SHC2: variants seen among roughly 807,000 people sequenced by gnomAD.
SHC2 encodes the protein SHC adaptor protein 2.
A neutral mutation model predicts 60.6 loss-of-function variants in SHC2; 62 were observed. The observed-to-expected ratio is 1.02, with a 90% CI of 0.83 to 1.26. SHC2 has a LOEUF of 1.26. Ranked by LOEUF, SHC2 falls within the 50% of genes most tolerant of loss-of-function variation. The probability of loss-of-function intolerance (pLI) is 0.00; values close to 1 mark genes in which losing one functional copy is unlikely to be tolerated. For missense variants in SHC2, 873 were observed against 822.2 expected (o/e 1.06, Z -0.76); for synonymous variants, 375 against 372.4 (o/e 1.01, Z -0.08).
rs1227529377 is a variant in SHC2, at chr19:460,772, C to T, written c.225G>A (p.Leu75=). 3.1e-6 allele frequency: 3 copies of T among 979,344 alleles called. No homozygotes were observed. Among genetic ancestry groups the T allele is most frequent in the African/African-American group, 3.5e-5 (2 of 56,446 alleles). 60.7% of individuals were successfully genotyped at this position (979,344 alleles called of 1,614,324 possible). Residue 75 remains leucine, a synonymous_variant, in exon 1 of 13, where the codon CTG becomes CTA. Coordinates refer to ENST00000264554, the MANE Select transcript of SHC2 (RefSeq NM_012435.3). Reference sequence around the variant, plus strand: ...CGCAGGCGCCCAGGACGGCGGCCGCCAGCGCCGGGACGCCCCCCGGGCCCG... The same window carrying T: ...CGCAGGCGCCCAGGACGGCGGCCGCTAGCGCCGGGACGCCCCCCGGGCCCG... ...EPAGPGGVPA[L]AAAVLGACEP...
At chr19:419,413 G>A in intron 11 of SHC2, 1 of 188,448 alleles carries the variant, frequency 5.3e-6, no homozygotes, top group Non-Finnish European at 1.1e-5. Flanking sequence ...ATGCATCCAG[G>A]ATGAGCCAGG....
chr19:422,349 C>A lies in SHC2; in HGVS notation c.1417G>T (p.Ala473Ser), dbSNP rs1974297389. 2 of 1,607,674 alleles carry A rather than the reference C, an allele frequency of 1.2e-6. No individual in the cohort carries two copies. Among genetic ancestry groups the A allele is most frequent in the Non-Finnish European group, 1.7e-6 (2 of 1,177,764 alleles). Reference protein sequence around the residue: ...DQWPSPPTRRAPVAPTEEQLR... With the variant: ...DQWPSPPTRRSPVAPTEEQLR... Reference sequence around the variant, plus strand: ...TGTTCCTCCGTGGGGGCCACAGGGGCCCGGCGGGTAGGGGGGCTGGGCCAC... The same window carrying A: ...TGTTCCTCCGTGGGGGCCACAGGGGACCGGCGGGTAGGGGGGCTGGGCCAC... Residue 473 changes from alanine (A) to serine (S), a missense_variant, in exon 11 of 13, where the codon GCC becomes TCC. Transcript: ENST00000264554. This position sits in a 1 kb window ranked among gnomAD's most constrained non-coding sequence, Gnocchi z 5.0.
intron 12 of SHC2, among the ~76,000 whole-genome samples, 176 bp from the exon 13 acceptor site, chr19:417,498 C>A (rs1260101424): frequency 6.6e-6 from 1 of 152,228 alleles, no homozygotes; most frequent in African/African-American, 2.4e-5. Flanking sequence ...TGTCCTGAGT[C>A]CTTGCTGTGG....
At chr19:457,216 CACATCAG>C (rs1975367216) in intron 1 of SHC2, among the ~76,000 whole-genome samples, 1 of 127,858 alleles carries the variant, frequency 7.8e-6, no homozygotes, top group Non-Finnish European at 1.7e-5. Flanking sequence ...CAAACCCCAC[CACATCAG>C]GCCTTTGCAC....
In SHC2 at chr19:425,096, C is replaced by A. The variant is rs755325952; in HGVS notation, c.1309+1G>T. The A allele has an allele frequency of 1.4e-6, 2 of 1,395,694 alleles. No individual in the cohort carries two copies. Among genetic ancestry groups the A allele is most frequent in the Non-Finnish European group, 1.9e-6 (2 of 1,066,718 alleles). The allele number at this position is 1,395,694 out of a possible 1,614,324, so 86.5% of individuals were successfully genotyped here. A position where few individuals can be genotyped will look rare whatever the true frequency, so the allele number is the denominator to read the frequency against. ...CGGCCGCCCCCCAGGCTGCCACATA[C>A]GCATGTCAAACAGATCCTTTTTGGG... On this transcript the variant is annotated splice_donor_variant, in intron 10 of 12. Coordinates refer to ENST00000264554, the MANE Select transcript of SHC2 (RefSeq NM_012435.3). LOFTEE classifies it high-confidence loss of function. The surrounding 1 kb of genome is among the most constrained non-coding windows in gnomAD (Gnocchi z 4.1).
intron 11 of SHC2, among the ~76,000 whole-genome samples, chr19:421,030 A>G (rs1232804864): frequency 6.6e-6 from 1 of 151,972 alleles, no homozygotes; most frequent in African/African-American, 2.4e-5. Context: ...AGCCTGGGTG[A>G]CAGAGCGAGA....
At chr19:456,715 A>ACATCGCTGCAG (rs1975351135) in intron 1 of SHC2, among the ~76,000 whole-genome samples, 1 of 151,494 alleles carries the variant, frequency 6.6e-6, no homozygotes, top group Non-Finnish European at 1.5e-5. Context: ...CCCCCCCTAG[A>ACATCGCTGCAG]ACTCTGTCTG....
At chr19:444,737 C>A (rs60433674) in intron 1 of SHC2, among the ~76,000 whole-genome samples, 6,462 of 152,276 alleles carry the variant, frequency 0.042, 369 homozygotes, top group African/African-American at 0.12. Flanking sequence ...GCTGCGGACA[C>A]GCTGTGCACA....
rs147076714 is a variant in SHC2, at chr19:448,271, G to A, written c.469-7339C>T. Among the ~76,000 whole-genome samples the A allele has an allele frequency of 3.8e-4, 58 of 152,304 alleles. No individual in the cohort carries two copies. The East Asian group carries it at 7.9e-3, about 21-fold the overall frequency. The stretch of plus-strand genomic sequence containing the variant: ...GGCCACACCTGGGGGCCACGGGAGC[G>A]GATCCTCTCCACGTCCCAGAGCCGG... On this transcript the variant is annotated intron_variant, in intron 1 of 12. Transcript: ENST00000264554.
rs201017180 is a variant in SHC2 at position 422,254 on chromosome 19, G to A, written c.1512C>T (p.Asp504=). Reference sequence around the variant, plus strand: ...CGCTGTCTCGCACAAGGAAGTCCCCGTCAGCTCGAAGCATCCTCTCTGCCG... The same window carrying A: ...CGCTGTCTCGCACAAGGAAGTCCCCATCAGCTCGAAGCATCCTCTCTGCCG... ...RRAAERMLRA[D]GDFLVRDSVT... Residue 504 remains aspartate (D), a synonymous_variant, in exon 11 of 13, where the codon GAC becomes GAT. Coordinates refer to ENST00000264554, the MANE Select transcript of SHC2 (RefSeq NM_012435.3). This position sits in a 1 kb window ranked among gnomAD's most constrained non-coding sequence, Gnocchi z 5.0. 174 of 1,612,406 alleles carry A rather than the reference G, an allele frequency of 1.1e-4. No homozygotes were observed. The highest frequency in any genetic ancestry group is 8.3e-4 in the Middle Eastern group (5 of 6,060).
rs75888168 is a variant in SHC2, at chr19:420,619, T to C, written c.1620+1527A>G. ...GCAACTGTAAGATGCGCCATGATTT[T>C]AGGTACCAGGAGGAGAGAGAAGAGA... On this transcript the variant is annotated intron_variant, in intron 11 of 12. Coordinates refer to ENST00000264554, the MANE Select transcript of SHC2 (RefSeq NM_012435.3). 4.9e-3 allele frequency among the ~76,000 whole-genome samples: 753 copies of C among 152,326 alleles called. 39 individuals are homozygous for C. The East Asian group carries it at 0.11, about 21-fold the overall frequency.
chr19:460,260 T>TG (rs144043667), intron 1 of SHC2, among the ~76,000 whole-genome samples: 9,381 of 151,752 alleles, frequency 0.062, 863 homozygotes, highest in African/African-American at 0.2. Flanking sequence ...CCAGTCCGAG[T>TG]GGGGGGCGGT....
chr19:418,073 A>G (rs1974193463), intron 12 of SHC2, among the ~76,000 whole-genome samples: 1 of 151,804 alleles, frequency 6.6e-6, no homozygotes, highest in Admixed American at 6.6e-5. Flanking sequence ...AGACCATGAG[A>G]TCACCCAGAC....
At chr19:436,824 T>C in intron 4 of SHC2, 141 bp from the exon 5 acceptor site, 1 of 816,664 alleles carries the variant, frequency 1.2e-6, no homozygotes, top group Non-Finnish European at 2.0e-6. Context: ...AGGCACCCAC[T>C]GCAGCCGGGT....
At chr19:421,945 T>C (rs145352908) in intron 11 of SHC2, among the ~76,000 whole-genome samples, 157 of 152,260 alleles carry the variant, frequency 1.0e-3, no homozygotes, top group African/African-American at 3.7e-3. Context: ...AATTCTACAG[T>C]AGCTGGTCAA....
At chr19:430,647 C>T (rs771289912) in intron 9 of SHC2, 37 bp downstream of exon 9, 155 of 1,587,330 alleles carry the variant, frequency 9.8e-5, no homozygotes, top group Non-Finnish European at 1.3e-4. Context: ...GCCCCAGAAT[C>T]CTCGTGGGTA....
At chr19:454,483 G>C (rs540737101) in intron 1 of SHC2, among the ~76,000 whole-genome samples, 1 of 152,236 alleles carries the variant, frequency 6.6e-6, no homozygotes, top group Admixed American at 6.5e-5. Context: ...CCCCACAAAC[G>C]GGGCTTAAGA....
chr19:430,796 C>T, intron 8 of SHC2, 49 bp from the exon 9 acceptor site: 1 of 1,576,606 alleles, frequency 6.3e-7, no homozygotes, highest in Non-Finnish European at 8.7e-7. Flanking sequence ...AGCCCCTCTT[C>T]CTGGCTCTGG....
intron 1 of SHC2, among the ~76,000 whole-genome samples, chr19:455,570 G>A (rs1382258631): frequency 1.3e-5 from 2 of 152,236 alleles, no homozygotes; most frequent in African/African-American, 4.8e-5. Context: ...GCAGGATTCT[G>A]GGGGGTTCTG....
Sources: allele counts gnomAD v4.1 joint callset (sites outside exome capture counted in the v4.1 genomes callset), GRCh38; gene constraint gnomAD v4.1.1; non-coding constraint Gnocchi (gnomAD v3.1); transcripts MANE v1.5; gene names NCBI Gene and HGNC (gene_info 2026-07-23, HGNC 2026-07-21).